PRIM2: variants seen among roughly 807,000 people sequenced by gnomAD.
The protein encoded by PRIM2 is DNA primase subunit 2.
Under a neutral mutation model 67.3 loss-of-function variants are expected in PRIM2, and 39 were observed. The observed-to-expected ratio is 0.58, with a 90% CI of 0.45 to 0.76. The LOEUF (loss-of-function observed/expected upper bound fraction) is 0.76, where lower values mean the gene tolerates loss of function less well. PRIM2 is among the 30% of genes least tolerant of loss of function. The probability of loss-of-function intolerance (pLI) is 0.00; values close to 1 mark genes in which losing one functional copy is unlikely to be tolerated. For synonymous variants in PRIM2, 143 were observed against 198.7 expected, an observed-to-expected ratio of 0.72 and a Z score of 2.36; for missense variants, 398 against 598.7, an observed-to-expected ratio of 0.66 and a Z score of 3.50.
chr6:57,549,924 A>G (rs1227630905), intron 10 of PRIM2, among the ~76,000 whole-genome samples: 1 of 152,164 alleles, frequency 6.6e-6, no homozygotes, highest in African/African-American at 2.4e-5. Flanking sequence ...TGTCTCTACT[A>G]AAAAGACAAA....
At chr6:57,567,276 C>G (rs1237281479) in intron 10 of PRIM2, among the ~76,000 whole-genome samples, 1 of 152,082 alleles carries the variant, frequency 6.6e-6, no homozygotes, top group Non-Finnish European at 1.5e-5. Context: ...GATGGCTTGA[C>G]TTAAAATTTT....
At chr6:57,604,484 A>G (rs1339607730) in intron 11 of PRIM2, among the ~76,000 whole-genome samples, 18 of 152,094 alleles carry the variant, frequency 1.2e-4, no homozygotes, top group Non-Finnish European at 2.5e-4. Flanking sequence ...TGCTCTGGGT[A>G]GGACTCCCAG....
chr6:57,550,119 C>A (rs1775371016), intron 10 of PRIM2, among the ~76,000 whole-genome samples: 2 of 151,918 alleles, frequency 1.3e-5, no homozygotes, highest in African/African-American at 4.8e-5. Flanking sequence ...AAGTTTCTTG[C>A]AAAAATAGTC....
At chr6:57,230,818 A>T in the PRIM2 span, among the ~76,000 whole-genome samples, 3 of 152,258 alleles carry the variant, frequency 2.0e-5, no homozygotes, top group South Asian at 6.2e-4. Context: ...CTTTGTGCCC[A>T]GTTTGGTTAT....
chr6:57,444,601 CTA>C lies in PRIM2; in HGVS notation c.693+62435_693+62436del, dbSNP rs574180838. On this transcript the variant is annotated intron_variant, in intron 7 of 13. Coordinates refer to ENST00000615550, the MANE Select transcript of PRIM2 (RefSeq NM_000947.5). The stretch of plus-strand genomic sequence containing the variant: ...AAAAAAAATTATGGTATTATAATGT[CTA>C]TGTTAAATTTGTTTCGTTACTTGTA... Among the ~76,000 whole-genome samples the C allele has an allele frequency of 2.9e-3, 433 of 151,334 alleles. 2 individuals are homozygous for C. The highest frequency in any genetic ancestry group is 0.01 in the African/African-American group (416 of 41,258).
chr6:57,335,973 A>C (rs1025662342), intron 5 of PRIM2, among the ~76,000 whole-genome samples: 1 of 151,888 alleles, frequency 6.6e-6, no homozygotes, highest in Non-Finnish European at 1.5e-5. Context: ...AAAATTTAGA[A>C]GAATGTATAA....
At chr6:57,594,320 C>G (rs1178356980) in intron 10 of PRIM2, among the ~76,000 whole-genome samples, 1 of 152,104 alleles carries the variant, frequency 6.6e-6, no homozygotes, top group African/African-American at 2.4e-5. Flanking sequence ...CAAGCCAATT[C>G]TAAAATTTAT....
At chr6:57,388,456 A>AATG (rs1342634443) in intron 7 of PRIM2, among the ~76,000 whole-genome samples, 1 of 152,124 alleles carries the variant, frequency 6.6e-6, no homozygotes, top group African/African-American at 2.4e-5. Context: ...GAATCAGCAT[A>AATG]ATGATGATGA....
chr6:57,347,673 G>A (rs1003665475), intron 5 of PRIM2, among the ~76,000 whole-genome samples: 4 of 152,136 alleles, frequency 2.6e-5, no homozygotes, highest in Admixed American at 2.6e-4. Flanking sequence ...TGAACTTCAG[G>A]CCTTAAGTGA....
intron 7 of PRIM2, among the ~76,000 whole-genome samples, chr6:57,420,160 C>T (rs1771419373): frequency 6.6e-6 from 1 of 152,036 alleles, no homozygotes; most frequent in Admixed American, 6.6e-5. Flanking sequence ...ATAATTAGTC[C>T]TGTTTTAGAA....
At chr6:57,520,504 G>A (rs1387065973) in intron 8 of PRIM2, among the ~76,000 whole-genome samples, 1 of 152,126 alleles carries the variant, frequency 6.6e-6, no homozygotes, top group Admixed American at 6.6e-5. Flanking sequence ...AATATAGAGA[G>A]TAAAGGAACA....
Position 57,346,844 on chromosome 6 carries a change from C to T in PRIM2, c.459+20799C>T, listed in dbSNP as rs559452451. ...TTTTGTGTTCTCAGTCTTTGAGTGG[C>T]TTAATCTGAGTTACAAAGGGAGGAG... is the stretch of plus-strand genomic sequence containing the variant. On this transcript the variant is annotated intron_variant, in intron 5 of 13. Coordinates refer to ENST00000615550, the MANE Select transcript of PRIM2 (RefSeq NM_000947.5). 6.8e-4 allele frequency among the ~76,000 whole-genome samples: 104 copies of T among 152,226 alleles called. 2 individuals are homozygous for T. In the East Asian group the frequency reaches 0.018, roughly 27 times the overall value.
At chr6:57,373,225 T>G (rs1239940964) in intron 5 of PRIM2, among the ~76,000 whole-genome samples, 1 of 152,208 alleles carries the variant, frequency 6.6e-6, no homozygotes, top group Admixed American at 6.5e-5. Context: ...GACATTGTTT[T>G]TTTTTTCATG....
the PRIM2 span, among the ~76,000 whole-genome samples, chr6:57,259,952 A>G: frequency 2.6e-5 from 4 of 152,238 alleles, no homozygotes; most frequent in South Asian, 8.3e-4. Flanking sequence ...CTATCCTAGC[A>G]TCAGAGCTTC....
intron 7 of PRIM2, among the ~76,000 whole-genome samples, chr6:57,472,362 G>T (rs1346775187): frequency 6.6e-6 from 1 of 150,766 alleles, no homozygotes; most frequent in African/African-American, 2.4e-5. Flanking sequence ...CCCGGTAGGC[G>T]GAAGTTGCAG....
intron 5 of PRIM2, among the ~76,000 whole-genome samples, chr6:57,366,003 T>G (rs1380707116): frequency 2.0e-5 from 3 of 147,992 alleles, no homozygotes; most frequent in Non-Finnish European, 4.5e-5. Flanking sequence ...TTATGACACA[T>G]TTACCTGTGC....
intron 7 of PRIM2, among the ~76,000 whole-genome samples, chr6:57,467,147 A>G (rs1773223678): frequency 6.8e-6 from 1 of 146,048 alleles, no homozygotes; most frequent in African/African-American, 2.5e-5. Flanking sequence ...CCCATTTGTT[A>G]GTTTTGGCTT....
chr6:57,300,901 T>C, the PRIM2 span, among the ~76,000 whole-genome samples: 1 of 152,184 alleles, frequency 6.6e-6, no homozygotes, highest in African/African-American at 2.4e-5. Context: ...TTTTCCATCC[T>C]AATAGTAATG....
chr6:57,278,232 C>T, the PRIM2 span, among the ~76,000 whole-genome samples: 1 of 151,828 alleles, frequency 6.6e-6, no homozygotes, highest in Non-Finnish European at 1.5e-5. Flanking sequence ...GAGGCTGAGG[C>T]AGGAGAATCA....
Sources: gnomAD v4.1 joint callset for allele counts (sites outside exome capture counted in the v4.1 genomes callset) on GRCh38, gnomAD v4.1.1 for gene constraint, MANE v1.5 for transcripts, NCBI Gene and HGNC (gene_info 2026-07-23, HGNC 2026-07-21) for gene names.